Variants in TFCP2L1 observed in about 807,000 individuals in gnomAD.
TFCP2L1 encodes the protein transcription factor CP2-like protein 1.
TFCP2L1 carries 12 observed loss-of-function variants against 72.2 expected under a neutral mutation model. The ratio of observed to expected loss-of-function variants is 0.17; its 90% CI spans 0.11 to 0.27. TFCP2L1 has a LOEUF of 0.27. Among genes scored for constraint, TFCP2L1 ranks in the 10% least tolerant of loss-of-function variants. TFCP2L1 has a pLI of 1.00. For synonymous variants in TFCP2L1, 260 were observed against 251.0 expected, an observed-to-expected ratio of 1.04 and a Z score of -0.34; for missense variants, 488 against 624.6, an observed-to-expected ratio of 0.78 and a Z score of 2.33.
intron 6 of TFCP2L1, among the ~76,000 whole-genome samples, chr2:121,243,727 C>T (rs1386753276): frequency 1.3e-5 from 2 of 151,710 alleles, no homozygotes; most frequent in African/African-American, 4.8e-5. Flanking sequence ...ACTGTCCTCC[C>T]CCCGCCACCT....
intron 1 of TFCP2L1, 72 bp downstream of exon 1, chr2:121,284,976 C>A: frequency 2.2e-6 from 3 of 1,360,068 alleles, no homozygotes; most frequent in Non-Finnish European, 2.9e-6. Flanking sequence ...CCCCTCTCCG[C>A]CCCTGGACGT....
intron 7 of TFCP2L1, among the ~76,000 whole-genome samples, chr2:121,242,083 CAAAAAA>C (rs541937558): frequency 2.3e-4 from 15 of 65,484 alleles, no homozygotes; most frequent in Non-Finnish European, 3.4e-4. Flanking sequence ...ATTACCTACT[CAAAAAA>C]AAAAAAAAAA....
chr2:121,285,015 C>T, intron 1 of TFCP2L1, 33 bp downstream of exon 1: 1 of 1,461,384 alleles, frequency 6.8e-7, no homozygotes, highest in Non-Finnish European at 9.1e-7. Context: ...CCGGCCCGGC[C>T]CGAGACCCGC....
chr2:121,269,560 C>CGACCA, intron 2 of TFCP2L1, among the ~76,000 whole-genome samples: 1 of 152,224 alleles, frequency 6.6e-6, no homozygotes, highest in Non-Finnish European at 1.5e-5. Context: ...CAACAGTTGT[C>CGACCA]GACCACGCTG....
At chr2:121,247,013 C>T (rs1207495235) in intron 5 of TFCP2L1, 43 bp from the exon 6 acceptor site, 2 of 1,610,592 alleles carry the variant, frequency 1.2e-6, no homozygotes, top group African/African-American at 2.7e-5. Context: ...AGGCACCAAG[C>T]AGGGTGCCCC....
At chr2:121,231,315 A>T (rs1309822488) in intron 13 of TFCP2L1, among the ~76,000 whole-genome samples, 2 of 152,214 alleles carry the variant, frequency 1.3e-5, no homozygotes, top group African/African-American at 4.8e-5. Flanking sequence ...AGCGGGTCAG[A>T]TCCCTGGAGA....
intron 2 of TFCP2L1, among the ~76,000 whole-genome samples, chr2:121,272,966 T>A (rs1664813142): frequency 6.6e-6 from 1 of 152,150 alleles, no homozygotes; most frequent in African/African-American, 2.4e-5. Flanking sequence ...TTTCCCCTTG[T>A]GTTTGAAACC....
Position 121,272,705 on chromosome 2 carries a change from A to T in TFCP2L1, c.214+8415T>A, listed in dbSNP as rs573899363. Among the ~76,000 whole-genome samples, 14 of 152,340 alleles carry T rather than the reference A, an allele frequency of 9.2e-5. 1 individual carries two copies. The East Asian group carries it at 2.7e-3, about 29-fold the overall frequency. On this transcript the variant is annotated intron_variant, in intron 2 of 14. Coordinates refer to ENST00000263707, the MANE Select transcript of TFCP2L1 (RefSeq NM_014553.3). Reference sequence around the variant, plus strand: ...GGCGAGATGCTTCCTCTTTATTAATAACAATGGCTGACATGTGAGTGCTTG... The same window carrying T: ...GGCGAGATGCTTCCTCTTTATTAATTACAATGGCTGACATGTGAGTGCTTG...
intron 2 of TFCP2L1, among the ~76,000 whole-genome samples, chr2:121,261,367 T>C (rs1352058397): frequency 1.3e-5 from 2 of 151,990 alleles, no homozygotes; most frequent in African/African-American, 4.8e-5. Flanking sequence ...GAATACAAGA[T>C]GAGACTTAAG....
At chr2:121,269,918 A>AAAAAAAAAAAAAAAAAAAAAAAAATAT in intron 2 of TFCP2L1, among the ~76,000 whole-genome samples, 7 of 115,176 alleles carry the variant, frequency 6.1e-5, no homozygotes, top group African/African-American at 1.1e-4. Context: ...AAAAAAAAAA[A>AAAAAAAAAAAAAAAAAAAAAAAAATAT]ATATATATAT....
chr2:121,229,583 A>AT (rs1455135412), intron 13 of TFCP2L1, among the ~76,000 whole-genome samples: 4 of 152,132 alleles, frequency 2.6e-5, no homozygotes, highest in African/African-American at 9.7e-5. Context: ...ATTTTTATAC[A>AT]TCCCCAAAAC....
intron 10 of TFCP2L1, among the ~76,000 whole-genome samples, chr2:121,235,765 T>C (rs763781401): frequency 7.9e-5 from 12 of 151,710 alleles, no homozygotes; most frequent in Non-Finnish European, 1.0e-4. Context: ...ATAGATGTCA[T>C]CAGCACAGGG....
chr2:121,280,109 A>C (rs1687226039), intron 2 of TFCP2L1, among the ~76,000 whole-genome samples: 1 of 152,112 alleles, frequency 6.6e-6, no homozygotes, highest in Non-Finnish European at 1.5e-5. Context: ...AACCACTATC[A>C]TACCAGGCAC....
intron 13 of TFCP2L1, among the ~76,000 whole-genome samples, chr2:121,227,030 C>G (rs1686044064): frequency 6.6e-6 from 1 of 152,212 alleles, no homozygotes; most frequent in Admixed American, 6.5e-5. Flanking sequence ...GAATCATGCT[C>G]CTCGGCAGTG....
intron 1 of TFCP2L1, among the ~76,000 whole-genome samples, chr2:121,282,911 G>C (rs1393207311): frequency 6.6e-6 from 1 of 152,190 alleles, no homozygotes; most frequent in African/African-American, 2.4e-5. Flanking sequence ...AACCTGCCCT[G>C]TGTGGGCCTC....
chr2:121,266,233 T>G (rs531865638), intron 2 of TFCP2L1, among the ~76,000 whole-genome samples: 7 of 151,942 alleles, frequency 4.6e-5, no homozygotes, highest in Admixed American at 3.3e-4. Flanking sequence ...AGGATCCCAT[T>G]TCACTAACAG....
At chr2:121,249,997 GGA>G (rs1443890236) in intron 2 of TFCP2L1, among the ~76,000 whole-genome samples, 2 of 152,202 alleles carry the variant, frequency 1.3e-5, no homozygotes, top group Admixed American at 1.3e-4. Flanking sequence ...ACAACGGGAT[GGA>G]GAACACAGCT....
intron 2 of TFCP2L1, among the ~76,000 whole-genome samples, chr2:121,264,155 T>C (rs1174344782): frequency 6.6e-6 from 1 of 152,162 alleles, no homozygotes; most frequent in African/African-American, 2.4e-5. Flanking sequence ...CCACATCAAT[T>C]GACCCCAGGT....
At chr2:121,278,069 G>A (rs372930462) in intron 2 of TFCP2L1, among the ~76,000 whole-genome samples, 1 of 131,464 alleles carries the variant, frequency 7.6e-6, no homozygotes, top group African/African-American at 2.9e-5. Context: ...TCGCTCTGTC[G>A]CCCAGGTCGG....
Sources: allele counts gnomAD v4.1 joint callset (sites outside exome capture counted in the v4.1 genomes callset), GRCh38; gene constraint gnomAD v4.1.1; transcripts MANE v1.5; gene names NCBI Gene and HGNC (gene_info 2026-07-23, HGNC 2026-07-21).